The following ARAP2 variants were observed in gnomAD, a reference collection of about 807,000 sequenced individuals.
ARAP2 encodes arf-GAP with Rho-GAP domain, ANK repeat and PH domain-containing protein 2.
In ARAP2, 148 loss-of-function variants were observed where a neutral mutation model predicts 194.5. That is an observed-to-expected ratio of 0.76 (90% CI 0.67 to 0.87). The LOEUF is 0.87. Ranked by LOEUF, ARAP2 falls within the 40% of genes least tolerant of loss-of-function variation. The pLI is 0.00. For missense variants in ARAP2, 2,128 were observed against 1,989.7 expected (o/e 1.07, Z -1.32); for synonymous variants, 695 against 683.5 (o/e 1.02, Z -0.26).
downstream of ARAP2, among the ~76,000 whole-genome samples, chr4:36,063,046 ATAAC>A (rs1724715410): frequency 6.6e-6 from 1 of 152,208 alleles, no homozygotes; most frequent in Non-Finnish European, 1.5e-5. Flanking sequence ...AAAAACTAAC[ATAAC>A]TAACTCCATT....
intron 8 of ARAP2, among the ~76,000 whole-genome samples, chr4:36,181,409 A>G (rs1383321942): frequency 2.6e-5 from 4 of 152,230 alleles, no homozygotes; most frequent in Non-Finnish European, 5.9e-5. Context: ...GAATTAAAAA[A>G]AAAAGAGGTT....
intron 15 of ARAP2, among the ~76,000 whole-genome samples, chr4:36,152,497 C>A (rs1033818313): frequency 6.6e-6 from 1 of 152,002 alleles, no homozygotes; most frequent in Non-Finnish European, 1.5e-5. Context: ...ATAAAAAATG[C>A]ATAATTATTC....
chr4:36,210,708 T>C lies in ARAP2; in HGVS notation c.1169A>G (p.Asp390Gly), dbSNP rs1271014314. 1 of 1,606,932 alleles carries C rather than the reference T, an allele frequency of 6.2e-7. No individual in the cohort carries two copies. The highest frequency in any genetic ancestry group is 1.1e-5 in the South Asian group (1 of 89,608). Residue 390 changes from aspartate to glycine, a missense_variant, in exon 6 of 33, where the codon GAC becomes GGC. Coordinates refer to ENST00000303965, the MANE Select transcript of ARAP2 (RefSeq NM_015230.4). ...AGGTATCCAAATATCTTCCACCTTG[T>C]CCTCGCTTATTTTCTCCTTTCTGTT... ...YDNRKEKISE[D>G]KVEDIWIPRE...
downstream of ARAP2, among the ~76,000 whole-genome samples, chr4:36,062,223 G>A (rs920849710): frequency 2.6e-5 from 4 of 152,134 alleles, no homozygotes; most frequent in Non-Finnish European, 5.9e-5. Context: ...TTTTTGCCCA[G>A]CCCGTTGTCC....
chr4:36,121,226 C>T lies in ARAP2; in HGVS notation c.3847G>A (p.Val1283Met). 6.2e-7 allele frequency: 1 copy of T among 1,606,962 alleles called. No individual in the cohort carries two copies. Residue 1283 changes from valine to methionine, a missense_variant, in exon 23 of 33, where the codon GTG becomes ATG. Physicochemically the swap from Val to Met is conservative, Grantham distance 21 (BLOSUM62 1). Transcript: ENST00000303965. The part of the protein sequence containing the change: ...FQTKGQTSEE[V>M]NVIEDLINNY... The stretch of plus-strand genomic sequence containing the variant: ...TTAATTAGGTCCTCAATTACATTCA[C>T]TTCTTCACTAGTTTGTCCCTTCGTT...
intron 1 of ARAP2, among the ~76,000 whole-genome samples, chr4:36,235,557 T>A (rs557879428): frequency 6.6e-6 from 1 of 152,368 alleles, no homozygotes; most frequent in Admixed American, 6.5e-5. Context: ...CCTTGCTTTA[T>A]CTGTCTCCAC....
At chr4:36,202,953 A>C (rs1238882482) in intron 6 of ARAP2, among the ~76,000 whole-genome samples, 1 of 152,216 alleles carries the variant, frequency 6.6e-6, no homozygotes, top group East Asian at 1.9e-4. Flanking sequence ...CTCTTGCATT[A>C]CCTCTGAAAA....
chr4:36,134,466 T>C (rs1418489996), intron 19 of ARAP2, among the ~76,000 whole-genome samples: 1 of 151,678 alleles, frequency 6.6e-6, no homozygotes, highest in Non-Finnish European at 1.5e-5. Flanking sequence ...GACTGCCTTA[T>C]TTCAGATCTT....
rs144698156 is a variant in ARAP2, at chr4:36,041,509, T to C, written n.607+4470A>G. On this transcript the variant is annotated intron_variant and non_coding_transcript_variant, in intron 5 of 12. Coordinates refer to the ARAP2 transcript ENST00000503225. ...CATCTCACACTAATGAGAATGGCTA[T>C]TACTAAAAAGTCAAATAATAACAGA... Among the ~76,000 whole-genome samples, 347 of 152,292 alleles carry C rather than the reference T, an allele frequency of 2.3e-3. 1 individual carries two copies. Among genetic ancestry groups the C allele is most frequent in the African/African-American group, 7.7e-3 (322 of 41,566 alleles).
intron 2 of ARAP2, among the ~76,000 whole-genome samples, chr4:36,220,027 G>A (rs950730631): frequency 2.6e-5 from 4 of 152,042 alleles, no homozygotes; most frequent in Admixed American, 6.6e-5. Flanking sequence ...CCAGATTCTC[G>A]ATACTTCTAT....
At position 36,212,489 on chromosome 4, in the gene ARAP2, T is replaced by C. The variant is rs774352554; in HGVS notation, c.1042-2A>G. 3 of 1,609,174 alleles carry C rather than the reference T, an allele frequency of 1.9e-6. No individual in the cohort carries two copies. The highest frequency in any genetic ancestry group is 1.7e-4 in the Middle Eastern group (1 of 6,032). ...AAATTCATTCTTTATAGATCGCTTC[T>C]ATTAAAAAAGCAAACAAACAAAAAA... On this transcript the variant is annotated splice_acceptor_variant, in intron 4 of 32. Transcript: ENST00000303965. LOFTEE classifies it high-confidence loss of function.
At position 36,138,546 on chromosome 4, in the gene ARAP2, C is replaced by T. The variant is rs562782635; in HGVS notation, c.3264-5157G>A. Among the ~76,000 whole-genome samples the T allele has an allele frequency of 2.0e-5, 3 of 151,690 alleles. No homozygotes were observed. The Admixed American group carries it at 2.0e-4, about 10-fold the overall frequency. Reference sequence around the variant, plus strand: ...CATTCATGTTGTTGTTAATATAGGTCCCTTTATAATGATAATCAGTACTTC... The same window carrying T: ...CATTCATGTTGTTGTTAATATAGGTTCCTTTATAATGATAATCAGTACTTC... On this transcript the variant is annotated intron_variant, in intron 19 of 32. Coordinates refer to ENST00000303965, the MANE Select transcript of ARAP2 (RefSeq NM_015230.4).
chr4:36,160,221 T>A, intron 13 of ARAP2: 1 of 1,105,696 alleles, frequency 9.0e-7, no homozygotes, highest in Non-Finnish European at 1.1e-6. Context: ...AATCCTCAGA[T>A]TGTGGCAACA....
chr4:36,181,340 A>C (rs1739190752), intron 8 of ARAP2, among the ~76,000 whole-genome samples: 1 of 152,232 alleles, frequency 6.6e-6, no homozygotes, highest in Non-Finnish European at 1.5e-5. Flanking sequence ...AACAATAGTA[A>C]ATTCCTAAAA....
chr4:36,192,496 AAC>A (rs1440775461), intron 7 of ARAP2, among the ~76,000 whole-genome samples: 6 of 152,152 alleles, frequency 3.9e-5, no homozygotes, highest in African/African-American at 1.4e-4. Context: ...TAGTGCCAGC[AAC>A]AGTTTTATGG....
At chr4:36,202,915 C>A (rs73127498) in intron 6 of ARAP2, among the ~76,000 whole-genome samples, 3,013 of 152,172 alleles carry the variant, frequency 0.02, 95 homozygotes, top group African/African-American at 0.069. Context: ...ATCCAGCATT[C>A]GATTAAATTA....
chr4:36,201,731 CTATT>C (rs1421386177), intron 6 of ARAP2, among the ~76,000 whole-genome samples: 2 of 151,730 alleles, frequency 1.3e-5, no homozygotes, highest in East Asian at 1.9e-4. Flanking sequence ...AATTAAATCT[CTATT>C]TATGAAGTAC....
chr4:36,067,676 C>T lies in ARAP2; in HGVS notation c.*231G>A, dbSNP rs1388817177. On this transcript the variant is annotated 3_prime_UTR_variant, in exon 33 of 33. Coordinates refer to ENST00000303965, the MANE Select transcript of ARAP2 (RefSeq NM_015230.4). ...AAGTAACCCAATGTCTTCTTACACA[C>T]GTTAATACAATGGAACTTTACAAGG... 3 of 422,990 alleles carry T rather than the reference C, an allele frequency of 7.1e-6. No individual in the cohort carries two copies. The highest frequency in any genetic ancestry group is 8.4e-5 in the East Asian group (2 of 23,838). The allele number at this position is 422,990 out of a possible 1,614,324, so 26.2% of individuals were successfully genotyped here. A position where few individuals can be genotyped will look rare whatever the true frequency, so the allele number is the denominator to read the frequency against.
chr4:36,102,738 T>C (rs1717321496), intron 27 of ARAP2, among the ~76,000 whole-genome samples: 1 of 152,014 alleles, frequency 6.6e-6, no homozygotes. Flanking sequence ...AAAATTTCTG[T>C]TCTTTCTGGG....
Sources: gnomAD v4.1 joint callset for allele counts (sites outside exome capture counted in the v4.1 genomes callset) on GRCh38, gnomAD v4.1.1 for gene constraint, MANE v1.5 for transcripts, NCBI Gene and HGNC (gene_info 2026-07-23, HGNC 2026-07-21) for gene names.